Variants in ESRRG observed in about 807,000 individuals in gnomAD.
ESRRG encodes estrogen related receptor gamma, also known as estrogen-related receptor gamma.
ESRRG carries 13 observed loss-of-function variants against 44.0 expected under a neutral mutation model. The ratio of observed to expected loss-of-function variants is 0.30; its 90% confidence interval spans 0.19 to 0.47. The LOEUF is 0.47. Ranked by LOEUF, ESRRG falls within the 20% of genes least tolerant of loss-of-function variation. ESRRG has a pLI of 1.00. For missense variants in ESRRG, 395 were observed against 580.6 expected (o/e 0.68, Z 3.29); for synonymous variants, 215 against 214.6 (o/e 1.00, Z -0.02).
At chr1:216,655,191 T>C (rs2070144155) in intron 2 of ESRRG, among the ~76,000 whole-genome samples, 1 of 152,206 alleles carries the variant, frequency 6.6e-6, no homozygotes, top group African/African-American at 2.4e-5. Context: ...CTCTGTGTTA[T>C]TCCTTGTTGA....
chr1:216,810,947 G>A (rs2094951032), intron 2 of ESRRG, among the ~76,000 whole-genome samples: 2 of 151,590 alleles, frequency 1.3e-5, no homozygotes, highest in South Asian at 4.1e-4. Flanking sequence ...CAGACCAATA[G>A]AAGAGGCATA....
At chr1:216,842,814 A>G (rs1474744432) in intron 2 of ESRRG, among the ~76,000 whole-genome samples, 1 of 152,214 alleles carries the variant, frequency 6.6e-6, no homozygotes. Flanking sequence ...TGAAGAAGTA[A>G]AAGAGTGTTG....
intron 2 of ESRRG, among the ~76,000 whole-genome samples, chr1:216,903,895 A>T (rs1359203146): frequency 6.6e-6 from 1 of 152,106 alleles, no homozygotes; most frequent in African/African-American, 2.4e-5. Context: ...ACACTTGAGC[A>T]TTTGTTTTAA....
At chr1:216,833,598 C>T (rs2095519412) in intron 2 of ESRRG, among the ~76,000 whole-genome samples, 1 of 152,136 alleles carries the variant, frequency 6.6e-6, no homozygotes, top group Non-Finnish European at 1.5e-5. Context: ...TGTTCTTTTC[C>T]TACTCCTCTT....
chr1:216,737,127 T>C (rs993722587), intron 2 of ESRRG, among the ~76,000 whole-genome samples: 29 of 152,348 alleles, frequency 1.9e-4, no homozygotes, highest in African/African-American at 6.5e-4. Flanking sequence ...AATGTGGTCC[T>C]TGGACTTTTA....
intron 2 of ESRRG, among the ~76,000 whole-genome samples, chr1:216,828,182 T>C (rs983073319): frequency 3.9e-5 from 6 of 152,232 alleles, no homozygotes; most frequent in Non-Finnish European, 8.8e-5. Flanking sequence ...GGGATCTTCG[T>C]AGTCCTCCTA....
At chr1:216,561,942 TG>T (rs976476394) in intron 5 of ESRRG, among the ~76,000 whole-genome samples, 22 of 152,268 alleles carry the variant, frequency 1.4e-4, no homozygotes, top group African/African-American at 5.1e-4. Context: ...TTTCCACCAC[TG>T]GAAATGGTGT....
chr1:216,546,433 C>A (rs2054533460), intron 5 of ESRRG, among the ~76,000 whole-genome samples: 1 of 152,008 alleles, frequency 6.6e-6, no homozygotes, highest in Admixed American at 6.6e-5. Context: ...GCAAAATCTC[C>A]AACTCTCATA....
At chr1:216,935,227 G>A (rs1462814182) in intron 2 of ESRRG, among the ~76,000 whole-genome samples, 2 of 152,090 alleles carry the variant, frequency 1.3e-5, no homozygotes, top group South Asian at 2.1e-4. Context: ...CCTGGAAACA[G>A]CATCAGATCC....
chr1:216,719,175 T>C (rs1420558990), intron 1 of ESRRG, among the ~76,000 whole-genome samples: 1 of 152,032 alleles, frequency 6.6e-6, no homozygotes, highest in East Asian at 1.9e-4. Flanking sequence ...AAGAATGGCT[T>C]CTTCTTTGTC....
At chr1:216,567,764 A>G (rs1024890471) in intron 4 of ESRRG, among the ~76,000 whole-genome samples, 1 of 152,222 alleles carries the variant, frequency 6.6e-6, no homozygotes, top group African/African-American at 2.4e-5. Flanking sequence ...GGTTAAAAAA[A>G]GGCTGGAGAG....
At chr1:217,093,053 G>A (rs866109081), upstream of ESRRG, among the ~76,000 whole-genome samples, 6 of 152,122 alleles carry the variant, frequency 3.9e-5, no homozygotes, top group African/African-American at 1.4e-4. Flanking sequence ...TAATTATTAT[G>A]ACTTTATAGC....
rs546542452 is a variant in ESRRG, at chr1:216,679,387, T to TA, written c.57-1897dup. 2.6e-4 allele frequency among the ~76,000 whole-genome samples: 40 copies of TA among 152,324 alleles called. 1 individual carries two copies. In the East Asian group the frequency reaches 5.2e-3, roughly 20 times the overall value. On this transcript the variant is annotated intron_variant, in intron 1 of 6. Transcript: ENST00000408911. ...GAAAGAAAGCGGGTCGGCACTGACT[T>TA]ACAGCAGCCCTGTGAATTCCTTTTA... is the stretch of plus-strand genomic sequence containing the variant.
rs376437796 is a variant in ESRRG at position 216,756,827 on chromosome 1, G to A, written c.-13-79336C>T. Among the ~76,000 whole-genome samples the A allele has an allele frequency of 2.1e-4, 32 of 152,108 alleles. No homozygotes were observed. The South Asian group carries it at 6.6e-3, about 32-fold the overall frequency. The stretch of plus-strand genomic sequence containing the variant: ...TTAAATGTGTACAACAATTCTCTAT[G>A]CAAAGAATGGTCCTCATTGGGTTTG... On this transcript the variant is annotated intron_variant, in intron 2 of 7. Coordinates refer to the ESRRG transcript ENST00000359162.
At chr1:216,761,064 C>A (rs963976505) in intron 2 of ESRRG, among the ~76,000 whole-genome samples, 3 of 151,848 alleles carry the variant, frequency 2.0e-5, no homozygotes, top group African/African-American at 4.8e-5. Flanking sequence ...TCAACCTCCC[C>A]CTGGGGACAG....
chr1:217,137,269 C>A (rs896743986), intron 1 of ESRRG, among the ~76,000 whole-genome samples: 1 of 152,254 alleles, frequency 6.6e-6, no homozygotes, highest in African/African-American at 2.4e-5. Flanking sequence ...CACCGCTGCC[C>A]ACCAGTTACC....
At chr1:216,539,508 A>G (rs781097469) in intron 5 of ESRRG, among the ~76,000 whole-genome samples, 1 of 151,690 alleles carries the variant, frequency 6.6e-6, no homozygotes, top group Non-Finnish European at 1.5e-5. Flanking sequence ...TACTCCAATC[A>G]CTTGGGCCTC....
chr1:216,927,816 C>A (rs966242472), intron 2 of ESRRG, among the ~76,000 whole-genome samples: 1 of 152,222 alleles, frequency 6.6e-6, no homozygotes, highest in East Asian at 1.9e-4. Context: ...ATGACGAAAT[C>A]TGGCTATTCT....
chr1:216,966,688 C>T (rs564989691), intron 1 of ESRRG, among the ~76,000 whole-genome samples: 2 of 152,188 alleles, frequency 1.3e-5, no homozygotes, highest in African/African-American at 2.4e-5. Context: ...TTCTGAGGTC[C>T]CAGGGAACCT....
Sources: gnomAD v4.1 joint callset for allele counts (sites outside exome capture counted in the v4.1 genomes callset) on GRCh38, gnomAD v4.1.1 for gene constraint, MANE v1.5 for transcripts, NCBI Gene and HGNC (gene_info 2026-07-23, HGNC 2026-07-21) for gene names.